The following ZNF746 variants were observed in gnomAD, a reference collection of about 807,000 sequenced individuals.
ZNF746 encodes parkin-interacting substrate.
In ZNF746, 13 loss-of-function variants were observed where a neutral mutation model predicts 41.0. That is an observed-to-expected ratio of 0.32 (90% CI 0.21 to 0.50). The LOEUF is 0.50. Ranked by LOEUF, ZNF746 falls within the 20% of genes least tolerant of loss-of-function variation. The pLI is 0.98. For missense variants in ZNF746, 811 were observed against 922.9 expected (o/e 0.88, Z 1.57); for synonymous variants, 424 against 396.2 (o/e 1.07, Z -0.83).
chr7:149,492,637 T>G (rs187871863), intron 4 of ZNF746, among the ~76,000 whole-genome samples: 1 of 152,198 alleles, frequency 6.6e-6, no homozygotes, highest in African/African-American at 2.4e-5. Context: ...TCCTAAAAGA[T>G]TAGGTTTGCC....
chr7:149,474,831 ACCGCCGCCGCCACTG>A lies in ZNF746; in HGVS notation c.1521_1535del (p.Ser508_Gly512del), dbSNP rs1563247528. On this transcript the variant is annotated inframe_deletion, in exon 7 of 7. Transcript: ENST00000458143. The surrounding 1 kb of genome is among the most constrained non-coding windows in gnomAD (Gnocchi z 6.3). ...GTGCGCTGCCCCCACCGCTGCCGCC[ACCGCCGCCGCCACTG>A]CCGCTGCCGCCACCGCCTGTGCCCG... 3 of 1,414,568 alleles carry A rather than the reference ACCGCCGCCGCCACTG, an allele frequency of 2.1e-6. No individual in the cohort carries two copies. The highest frequency in any genetic ancestry group is 2.4e-4 in the Middle Eastern group (1 of 4,092). 87.6% of individuals were successfully genotyped at this position (1,414,568 alleles called of 1,614,324 possible).
At chr7:149,491,852 G>A (rs950487605) in intron 4 of ZNF746, 4 of 700,918 alleles carry the variant, frequency 5.7e-6, no homozygotes, top group Non-Finnish European at 1.0e-5. Context: ...TGACCCAGCA[G>A]GTCTTCACTT....
intron 4 of ZNF746, among the ~76,000 whole-genome samples, chr7:149,479,387 T>C (rs1800418131): frequency 6.6e-6 from 1 of 152,226 alleles, no homozygotes; most frequent in Non-Finnish European, 1.5e-5. Context: ...TGTCAACTCA[T>C]TTTATGAGGC....
At position 149,472,938 on chromosome 7, in the gene ZNF746, G is replaced by A. The variant is rs1345822034; in HGVS notation, c.*1446C>T. The stretch of plus-strand genomic sequence containing the variant: ...TTAACTAGTCTATCGCCTAATAAAA[G>A]TATGCATGAGGGGGCTGAATGAATG... On this transcript the variant is annotated 3_prime_UTR_variant, in exon 7 of 7. Transcript: ENST00000458143. 3 of 152,518 alleles carry A rather than the reference G, an allele frequency of 2.0e-5. No individual in the cohort carries two copies. The highest frequency in any genetic ancestry group is 4.4e-5 in the Non-Finnish European group (3 of 68,022). The allele number at this position is 152,518 out of a possible 1,614,324, so 9.4% of individuals were successfully genotyped here. A position where few individuals can be genotyped will look rare whatever the true frequency, so the allele number is the denominator to read the frequency against.
rs931822738 is a variant in ZNF746, at chr7:149,493,087, A to G, written c.452-115T>C. ...AATCTCTTGATTGTCACAAAGCAGT[A>G]GCTCTCAACCACAGGCAATTTTGCT... On this transcript the variant is annotated intron_variant, in intron 3 of 6. Coordinates refer to ENST00000458143, the MANE Select transcript of ZNF746 (RefSeq NM_001394198.1). The G allele has an allele frequency of 4.1e-6, 3 of 727,004 alleles. No individual in the cohort carries two copies. The Admixed American group carries it at 7.6e-5, about 18-fold the overall frequency. The allele number at this position is 727,004 out of a possible 1,614,324, so 45.0% of individuals were successfully genotyped here. A position where few individuals can be genotyped will look rare whatever the true frequency, so the allele number is the denominator to read the frequency against.
intron 3 of ZNF746, 37 bp from the exon 4 acceptor site, chr7:149,493,009 C>A: frequency 7.1e-7 from 1 of 1,399,900 alleles, no homozygotes; most frequent in South Asian, 1.2e-5. Flanking sequence ...TGCCACGTTC[C>A]AGTCAAAGCT....
chr7:149,483,485 T>C (rs896670008), intron 4 of ZNF746, among the ~76,000 whole-genome samples: 1 of 152,070 alleles, frequency 6.6e-6, no homozygotes, highest in African/African-American at 2.4e-5. Context: ...CATGTGCCTG[T>C]AGTCCCAGCT....
At chr7:149,491,388 T>C (rs1430288784) in intron 4 of ZNF746, 1 of 159,990 alleles carries the variant, frequency 6.3e-6, no homozygotes, top group Non-Finnish European at 1.4e-5. Flanking sequence ...CCACACATGG[T>C]GTAAATACAA....
chr7:149,478,233 T>C (rs1310031877), intron 4 of ZNF746, among the ~76,000 whole-genome samples: 3 of 151,984 alleles, frequency 2.0e-5, no homozygotes, highest in South Asian at 2.1e-4. Flanking sequence ...TAGAGAGTTG[T>C]TGGAGTAGGA....
At position 149,477,752 on chromosome 7, in the gene ZNF746, G is replaced by A. The variant is rs768206794; in HGVS notation, c.569C>T (p.Ser190Leu). The change falls in exon 5 of 7, where the codon TCG becomes TTG. Residue 190 changes from serine (S) to leucine (L), a missense_variant. Physicochemically the swap from Ser to Leu is moderately radical, Grantham distance 145 (BLOSUM62 -2). Transcript: ENST00000458143. ...GTCTGGGGCGGGAACTGGGGGCCCCGAGCCTAGGAAAGGGAGTGAGTGTGA... is the reference window on the plus strand; with the variant it reads ...GTCTGGGGCGGGAACTGGGGGCCCCAAGCCTAGGAAAGGGAGTGAGTGTGA... ...PDVPVDPSPG[S>L]GPPVPAPDLL... The A allele has an allele frequency of 5.6e-6, 9 of 1,602,176 alleles. No individual in the cohort carries two copies. Among genetic ancestry groups the A allele is most frequent in the African/African-American group, 1.3e-5 (1 of 74,672 alleles).
intron 4 of ZNF746, 125 bp from the exon 5 acceptor site, chr7:149,477,880 G>T: frequency 1.3e-6 from 1 of 758,610 alleles, no homozygotes; most frequent in Non-Finnish European, 2.0e-6. Flanking sequence ...GAGCCTGGTG[G>T]GAAGGGAGGC....
chr7:149,489,258 C>T (rs1263942189), intron 4 of ZNF746: 1 of 147,472 alleles, frequency 6.8e-6, no homozygotes, highest in Non-Finnish European at 1.5e-5. Context: ...CACACACACA[C>T]ACACACACAC....
chr7:149,485,077 C>A lies in ZNF746; in HGVS notation c.566-7322G>T, dbSNP rs78912994. ...GAAAAAGCATTTGAAGAGGGGTATT[C>A]TCTGCCCTCAAGTCCCCAACAGCAA... On this transcript the variant is annotated intron_variant, in intron 4 of 6. Coordinates refer to ENST00000458143, the MANE Select transcript of ZNF746 (RefSeq NM_001394198.1). Among the ~76,000 whole-genome samples the A allele has an allele frequency of 6.0e-3, 910 of 151,154 alleles. 12 individuals carry two copies. The highest frequency in any genetic ancestry group is 0.021 in the African/African-American group (856 of 41,178).
At chr7:149,476,141 C>T (rs1477109424) in intron 6 of ZNF746, among the ~76,000 whole-genome samples, 5 of 151,828 alleles carry the variant, frequency 3.3e-5, no homozygotes, top group African/African-American at 4.8e-5. Context: ...GGTGAAACGC[C>T]GTCTCTACTA....
At position 149,496,945 on chromosome 7, in the gene ZNF746, T is replaced by G. The variant is rs1334479134; in HGVS notation, c.24+568A>C. On this transcript the variant is annotated intron_variant, in intron 1 of 6. Coordinates refer to ENST00000458143, the MANE Select transcript of ZNF746 (RefSeq NM_001394198.1). ...TTCTCTAGGCCCCGGGTTTTTCTTTTGTATGACAGAGATTAACACCAGTAC... is the reference window on the plus strand; with the variant it reads ...TTCTCTAGGCCCCGGGTTTTTCTTTGGTATGACAGAGATTAACACCAGTAC... The G allele has an allele frequency of 4.1e-6, 4 of 985,214 alleles. No homozygotes were observed. The African/African-American group carries it at 5.2e-5, about 13-fold the overall frequency. 61.0% of individuals were successfully genotyped at this position (985,214 alleles called of 1,614,324 possible). A position where few individuals can be genotyped will look rare whatever the true frequency, so the allele number is the denominator to read the frequency against.
chr7:149,476,022 A>G (rs1800289012), intron 6 of ZNF746, among the ~76,000 whole-genome samples: 2 of 152,238 alleles, frequency 1.3e-5, no homozygotes, highest in Admixed American at 1.3e-4. Context: ...TTAGTGAATA[A>G]GAATGTGTTT....
rs1299346155 is a variant in ZNF746 at position 149,473,172 on chromosome 7, A to G, written c.*1212T>C. 1 of 152,044 alleles carries G rather than the reference A, an allele frequency of 6.6e-6. No homozygotes were observed. Among genetic ancestry groups the G allele is most frequent in the Non-Finnish European group, 1.5e-5 (1 of 68,014 alleles). 9.4% of individuals were successfully genotyped at this position (152,044 alleles called of 1,614,324 possible). A position where few individuals can be genotyped will look rare whatever the true frequency, so the allele number is the denominator to read the frequency against. ...AGCTGTGCCCTCTGAGAGTGCACACATTAAGGAGGCTGGGGCACAGGGGAG... is the reference window on the plus strand; with the variant it reads ...AGCTGTGCCCTCTGAGAGTGCACACGTTAAGGAGGCTGGGGCACAGGGGAG... On this transcript the variant is annotated 3_prime_UTR_variant, in exon 7 of 7. Coordinates refer to ENST00000458143, the MANE Select transcript of ZNF746 (RefSeq NM_001394198.1).
At chr7:149,486,183 T>C (rs1177955026) in intron 4 of ZNF746, among the ~76,000 whole-genome samples, 1 of 152,108 alleles carries the variant, frequency 6.6e-6, no homozygotes, top group Non-Finnish European at 1.5e-5. Flanking sequence ...TTTTAAACCA[T>C]TTCACTCCCA....
intron 6 of ZNF746, among the ~76,000 whole-genome samples, chr7:149,476,091 G>C (rs149917904): frequency 0.021 from 3,190 of 152,256 alleles, 115 homozygotes; most frequent in African/African-American, 0.073. Flanking sequence ...AAGGCGGGGG[G>C]ATCATGAGGT....
Sources: gnomAD v4.1 joint callset for allele counts (sites outside exome capture counted in the v4.1 genomes callset) on GRCh38, gnomAD v4.1.1 for gene constraint, Gnocchi (gnomAD v3.1) non-coding constraint, MANE v1.5 for transcripts, NCBI Gene and HGNC (gene_info 2026-07-23, HGNC 2026-07-21) for gene names.